Variants in CDH8 observed in about 807,000 individuals in gnomAD.
CDH8 encodes the protein cadherin-8.
In CDH8, 17 loss-of-function variants were observed where a neutral mutation model predicts 68.1. That is an observed-to-expected ratio of 0.25 (90% CI 0.17 to 0.37). The LOEUF (loss-of-function observed/expected upper bound fraction) is 0.37, where lower values mean the gene tolerates loss of function less well. Ranked by LOEUF, CDH8 falls within the 10% of genes least tolerant of loss-of-function variation. The pLI, the probability that CDH8 is intolerant of heterozygous loss-of-function variation, is 1.00. For synonymous variants in CDH8, 372 were observed against 365.1 expected, an observed-to-expected ratio of 1.02 and a Z score of -0.21; for missense variants, 763 against 999.3, an observed-to-expected ratio of 0.76 and a Z score of 3.19.
At chr16:61,803,528 G>A (rs1017576026) in intron 7 of CDH8, among the ~76,000 whole-genome samples, 19 of 151,890 alleles carry the variant, frequency 1.3e-4, no homozygotes, top group Non-Finnish European at 2.8e-4. Context: ...TGGCAAATTG[G>A]ATAAAGAGTC....
intron 8 of CDH8, among the ~76,000 whole-genome samples, chr16:61,769,218 A>T (rs1960714734): frequency 6.6e-6 from 1 of 151,852 alleles, no homozygotes; most frequent in African/African-American, 2.4e-5. Flanking sequence ...AAAATGTCTC[A>T]AAGACTCTAA....
In CDH8 at chr16:62,021,230, G is replaced by A. The variant is rs1342639327; in HGVS notation, c.174C>T (p.Arg58=). 1 of 1,614,008 alleles carries A rather than the reference G, an allele frequency of 6.2e-7. No homozygotes were observed. The highest frequency in any genetic ancestry group is 8.5e-7 in the Non-Finnish European group (1 of 1,179,936). Residue 58 remains arginine, a synonymous_variant, in exon 2 of 12, where the codon CGC becomes CGT. Transcript: ENST00000577390. ...SLGEEQRILN[R]SKRGWVWNQM... is the part of the protein sequence containing the mutation. Reference sequence around the variant, plus strand: ...GATTCCAAACCCAGCCTCTTTTGGAGCGGTTCAAAATTCGCTGTTCTTCAC... The same window carrying A: ...GATTCCAAACCCAGCCTCTTTTGGAACGGTTCAAAATTCGCTGTTCTTCAC...
At chr16:61,943,274 A>G (rs1352549526) in intron 2 of CDH8, among the ~76,000 whole-genome samples, 4 of 152,176 alleles carry the variant, frequency 2.6e-5, no homozygotes, top group African/African-American at 4.8e-5. Context: ...CACCTAGAAG[A>G]GTGGCTATTT....
chr16:61,763,563 G>A lies in CDH8; in HGVS notation c.1414+25783C>T, dbSNP rs199700289. Among the ~76,000 whole-genome samples the A allele has an allele frequency of 6.6e-5, 10 of 152,236 alleles. No homozygotes were observed. The East Asian group carries it at 1.9e-3, about 29-fold the overall frequency. On this transcript the variant is annotated intron_variant, in intron 8 of 11. Transcript: ENST00000577390. ...GGGAAATCTCTGATTGTCCTGGATA[G>A]GATTTTCTTCATATTTATCTTCCAA... is the stretch of plus-strand genomic sequence containing the variant.
chr16:61,821,584 T>C (rs1030378847), intron 5 of CDH8, among the ~76,000 whole-genome samples: 1 of 152,062 alleles, frequency 6.6e-6, no homozygotes, highest in African/African-American at 2.4e-5. Flanking sequence ...TACAGACTTT[T>C]AGACCATTTT....
At chr16:61,726,885 C>G in intron 9 of CDH8, 1 of 541,632 alleles carries the variant, frequency 1.8e-6, no homozygotes, top group South Asian at 2.9e-5. Flanking sequence ...CAGGTTGTTC[C>G]ACTTTAGGAG....
At chr16:61,684,683 T>C (rs1270767637) in intron 10 of CDH8, among the ~76,000 whole-genome samples, 3 of 152,004 alleles carry the variant, frequency 2.0e-5, no homozygotes, top group Admixed American at 6.6e-5. Context: ...CTCTGCGCTG[T>C]ACTGCAGGAG....
At chr16:61,880,446 T>C (rs994145915) in intron 3 of CDH8, among the ~76,000 whole-genome samples, 3 of 152,216 alleles carry the variant, frequency 2.0e-5, no homozygotes, top group African/African-American at 4.8e-5. Context: ...TTGTGAATTT[T>C]GAACTATATC....
At chr16:61,824,078 T>C (rs985366602) in intron 5 of CDH8, among the ~76,000 whole-genome samples, 1 of 151,852 alleles carries the variant, frequency 6.6e-6, no homozygotes, top group Non-Finnish European at 1.5e-5. Context: ...ATTTATACAA[T>C]GAAATATTAT....
At chr16:61,918,312 C>G (rs1203624238) in intron 2 of CDH8, 3 of 155,040 alleles carry the variant, frequency 1.9e-5, no homozygotes, top group African/African-American at 7.2e-5. Context: ...CAGGGAGGAG[C>G]CAAGATGGCC....
intron 7 of CDH8, among the ~76,000 whole-genome samples, chr16:61,795,242 T>G (rs1034378574): frequency 6.6e-6 from 1 of 152,086 alleles, no homozygotes; most frequent in Admixed American, 6.6e-5. Context: ...GAATTCAAAG[T>G]ATCTGTATCA....
intron 2 of CDH8, among the ~76,000 whole-genome samples, chr16:62,001,239 T>C (rs1023529394): frequency 6.6e-6 from 1 of 152,188 alleles, no homozygotes; most frequent in East Asian, 1.9e-4. Context: ...CCCAATCCTA[T>C]GTTTAATAGG....
intron 8 of CDH8, among the ~76,000 whole-genome samples, chr16:61,751,602 T>C (rs566967899): frequency 8.2e-4 from 125 of 152,056 alleles, no homozygotes; most frequent in East Asian, 3.9e-4. Flanking sequence ...AAAAAGTTGG[T>C]TCATGGGGTC....
intron 1 of CDH8, 78 bp downstream of exon 1, chr16:62,036,002 G>A (rs1460396356): frequency 6.6e-6 from 1 of 152,400 alleles, no homozygotes; most frequent in Non-Finnish European, 1.5e-5. Context: ...AAGGGGCATG[G>A]GAATTCCTAT....
In CDH8 at chr16:61,647,262, T is replaced by C. The variant is rs926856741; in HGVS notation, c.*6346A>G. 6.6e-6 allele frequency: 1 copy of C among 151,924 alleles called. No individual in the cohort carries two copies. Among genetic ancestry groups the C allele is most frequent in the Non-Finnish European group, 1.5e-5 (1 of 67,972 alleles). The allele number at this position is 151,924 out of a possible 1,614,324, so 9.4% of individuals were successfully genotyped here. On this transcript the variant is annotated 3_prime_UTR_variant, in exon 12 of 12. Transcript: ENST00000577390. ...AAGAATTTTTATGTTTAAAGCTCTT[T>C]CTTAAAGTTTATTTGCAATATCATT...
chr16:61,828,729 T>C (rs1188433722), intron 4 of CDH8, among the ~76,000 whole-genome samples: 3 of 151,874 alleles, frequency 2.0e-5, no homozygotes, highest in Admixed American at 2.0e-4. Flanking sequence ...GCCCTCATAA[T>C]TGAAATCAAG....
intron 2 of CDH8, among the ~76,000 whole-genome samples, chr16:61,914,735 A>T (rs2143344509): frequency 6.9e-6 from 1 of 145,306 alleles, no homozygotes; most frequent in East Asian, 2.0e-4. Flanking sequence ...ATAATAATAA[A>T]AAGAGTTAAA....
chr16:61,960,072 T>TACA (rs1490508782), intron 2 of CDH8, among the ~76,000 whole-genome samples: 2 of 133,542 alleles, frequency 1.5e-5, no homozygotes, highest in Admixed American at 7.3e-5. Context: ...TGTATACACA[T>TACA]ACATATATAC....
intron 4 of CDH8, among the ~76,000 whole-genome samples, chr16:61,842,143 G>A (rs1410617270): frequency 4.7e-5 from 7 of 150,192 alleles, no homozygotes; most frequent in Admixed American, 2.7e-4. Context: ...TCCTGACCTC[G>A]TGATCCGCCC....
Sources: allele counts gnomAD v4.1 joint callset (sites outside exome capture counted in the v4.1 genomes callset), GRCh38; gene constraint gnomAD v4.1.1; transcripts MANE v1.5; gene names NCBI Gene and HGNC (gene_info 2026-07-23, HGNC 2026-07-21).